Variants in XRRA1 observed in about 807,000 individuals in gnomAD.
XRRA1 encodes X-ray radiation resistance associated 1, also known as X-ray radiation resistance-associated protein 1.
In XRRA1, 69 loss-of-function variants were observed where a neutral mutation model predicts 80.2. The ratio of observed to expected loss-of-function variants is 0.86; its 90% CI spans 0.71 to 1.05. The LOEUF (loss-of-function observed/expected upper bound fraction) is 1.05. Among genes scored for constraint, XRRA1 ranks in the 50% least tolerant of loss-of-function variants. XRRA1 has a pLI of 0.00. For missense variants in XRRA1, 967 were observed against 976.4 expected (o/e 0.99, Z 0.13); for synonymous variants, 348 against 389.9 (o/e 0.89, Z 1.27).
chr11:74,914,578 T>A (rs916543847), intron 8 of XRRA1, among the ~76,000 whole-genome samples: 6 of 152,184 alleles, frequency 3.9e-5, no homozygotes, highest in Non-Finnish European at 7.3e-5. Context: ...ATTACTACTG[T>A]CCCTTTTCCC....
chr11:74,846,233 T>C (rs1453376224), intron 15 of XRRA1: 1 of 152,208 alleles, frequency 6.6e-6, no homozygotes, highest in Non-Finnish European at 1.5e-5. Flanking sequence ...TATTTGTGAA[T>C]ATATATTATA....
At chr11:74,892,337 A>G (rs1450645534) in intron 10 of XRRA1, among the ~76,000 whole-genome samples, 1 of 152,230 alleles carries the variant, frequency 6.6e-6, no homozygotes, top group Non-Finnish European at 1.5e-5. Context: ...GGTGCCGGGA[A>G]AACTGCCTAG....
At chr11:74,908,650 C>T (rs2055168047) in intron 8 of XRRA1, among the ~76,000 whole-genome samples, 1 of 152,130 alleles carries the variant, frequency 6.6e-6, no homozygotes, top group Non-Finnish European at 1.5e-5. Flanking sequence ...AATAAAAGAA[C>T]ACATCCCTCC....
intron 11 of XRRA1, 129 bp downstream of exon 11, chr11:74,862,852 T>G (rs977107256): frequency 3.4e-5 from 28 of 823,744 alleles, no homozygotes; most frequent in Non-Finnish European, 4.9e-5. Context: ...CAACTACCTA[T>G]TCAATGAATG....
rs1405372030 is a variant in XRRA1 at position 74,842,339 on chromosome 11, T to A, written c.*861A>T. On this transcript the variant is annotated 3_prime_UTR_variant, in exon 19 of 19. Coordinates refer to ENST00000684022, the MANE Select transcript of XRRA1 (RefSeq NM_001378157.1). Reference sequence around the variant, plus strand: ...GTTATTTAAACAGTACCAAAGTGCATTCTTCAATGTATGTTTGCCTGCTTG... The same window carrying A: ...GTTATTTAAACAGTACCAAAGTGCAATCTTCAATGTATGTTTGCCTGCTTG... The A allele has an allele frequency of 6.6e-6, 1 of 152,256 alleles. No homozygotes were observed. The highest frequency in any genetic ancestry group is 1.5e-5 in the Non-Finnish European group (1 of 68,052). The allele number at this position is 152,256 out of a possible 1,614,324, so 9.4% of individuals were successfully genotyped here. A position where few individuals can be genotyped will look rare whatever the true frequency, so the allele number is the denominator to read the frequency against.
chr11:74,922,130 G>A (rs537422400), intron 7 of XRRA1, among the ~76,000 whole-genome samples: 209 of 151,958 alleles, frequency 1.4e-3, no homozygotes, highest in Non-Finnish European at 2.1e-3. Flanking sequence ...GGTGGCACAC[G>A]CCTGTAGTGC....
chr11:74,907,326 C>A (rs1167682010), intron 8 of XRRA1, 53 bp from the exon 9 acceptor site: 117 of 1,604,844 alleles, frequency 7.3e-5, no homozygotes, highest in Non-Finnish European at 6.6e-5. Context: ...CAAATTCCAC[C>A]ATTCCCAGGA....
intron 9 of XRRA1, 55 bp from the exon 10 acceptor site, chr11:74,906,511 G>T (rs1466891541): frequency 6.4e-7 from 1 of 1,569,998 alleles, no homozygotes; most frequent in East Asian, 2.3e-5. Flanking sequence ...CCTCAGGATT[G>T]TTTACCAAGC....
intron 5 of XRRA1, among the ~76,000 whole-genome samples, chr11:74,933,103 C>T (rs1196261412): frequency 2.0e-4 from 30 of 152,102 alleles, no homozygotes; most frequent in Admixed American, 1.9e-3. Flanking sequence ...AGGAACGAAC[C>T]AGCTTCTTGG....
Position 74,940,784 on chromosome 11 carries a change from C to T in XRRA1, c.94+1G>A. The T allele has an allele frequency of 6.2e-7, 1 of 1,601,532 alleles. No individual in the cohort carries two copies. Among genetic ancestry groups the T allele is most frequent in the Non-Finnish European group, 8.5e-7 (1 of 1,173,970 alleles). ...GGTAGCTATTTGAGAAGTCACCTGA[C>T]CTTCCTCCGGCACGCGAAGCAGATT... On this transcript the variant is annotated splice_donor_variant, in intron 3 of 18. Transcript: ENST00000684022. LOFTEE classifies it high-confidence loss of function.
intron 10 of XRRA1, among the ~76,000 whole-genome samples, chr11:74,864,638 C>A (rs2043010887): frequency 6.6e-6 from 1 of 152,218 alleles, no homozygotes; most frequent in African/African-American, 2.4e-5. Flanking sequence ...CAACCAAAAC[C>A]ATCTGCAGAG....
intron 3 of XRRA1, among the ~76,000 whole-genome samples, chr11:74,939,864 C>A (rs565421208): frequency 9.1e-5 from 13 of 142,828 alleles, no homozygotes; most frequent in African/African-American, 2.3e-4. Context: ...AGAGAGAGAG[C>A]GAGAGCAAGA....
chr11:74,856,105 C>T (rs2041032278), intron 12 of XRRA1, among the ~76,000 whole-genome samples: 1 of 152,196 alleles, frequency 6.6e-6, no homozygotes, highest in Non-Finnish European at 1.5e-5. Flanking sequence ...GCACTCCGGC[C>T]TGGGCTACAG....
At chr11:74,870,269 C>T (rs1049176967) in intron 10 of XRRA1, among the ~76,000 whole-genome samples, 6 of 152,152 alleles carry the variant, frequency 3.9e-5, no homozygotes, top group African/African-American at 1.4e-4. Context: ...GAGAGCCTAG[C>T]TATTGCATGG....
chr11:74,932,396 T>C (rs1454825367), intron 5 of XRRA1, among the ~76,000 whole-genome samples: 2 of 152,152 alleles, frequency 1.3e-5, no homozygotes, highest in Admixed American at 6.5e-5. Flanking sequence ...GTTTCCCTCA[T>C]TGACTGCATT....
chr11:74,848,555 G>A (rs192246870), intron 14 of XRRA1, 93 bp from the exon 15 acceptor site: 54 of 1,173,964 alleles, frequency 4.6e-5, no homozygotes, highest in African/African-American at 2.5e-4. Context: ...TATAGCAGCC[G>A]GAGTGCTGGG....
Position 74,843,204 on chromosome 11 carries a change from C to A in XRRA1, c.2399G>T (p.Gly800Val). ...CQEPTASDSQ[G>V] ...ACACAGCCCCCATGCACAGCTCTAG[C>A]CTTGTGAGTCACTGGCTGTGGGCTC... Residue 800 changes from glycine to valine, a missense_variant, in exon 19 of 19, where the codon GGC (glycine) becomes GTC (valine). Transcript: ENST00000684022. 8.4e-6 allele frequency: 13 copies of A among 1,555,926 alleles called. No homozygotes were observed. Among genetic ancestry groups the A allele is most frequent in the Non-Finnish European group, 1.1e-5 (13 of 1,149,782 alleles).
intron 3 of XRRA1, 65 bp downstream of exon 3, chr11:74,940,720 T>C (rs374673804): frequency 7.7e-7 from 1 of 1,300,936 alleles, no homozygotes. Context: ...AACAAGTAGA[T>C]GTGAGATGGT....
intron 12 of XRRA1, among the ~76,000 whole-genome samples, chr11:74,856,446 A>C (rs658623): frequency 0.045 from 6,880 of 152,290 alleles, 236 homozygotes; most frequent in East Asian, 0.15. Context: ...TCTTGAGTCC[A>C]ATAGAGAGCT....
Sources: gnomAD v4.1 joint callset for allele counts (sites outside exome capture counted in the v4.1 genomes callset) on GRCh38, gnomAD v4.1.1 for gene constraint, MANE v1.5 for transcripts, NCBI Gene and HGNC (gene_info 2026-07-23, HGNC 2026-07-21) for gene names.